Variants in PIGU observed in about 807,000 individuals in gnomAD.
PIGU encodes GPI-anchor transamidase component PIGU.
In PIGU, 24 loss-of-function variants were observed where a neutral mutation model predicts 49.9. That is an observed-to-expected ratio of 0.48 (90% CI 0.35 to 0.68). PIGU has a LOEUF of 0.68. Among genes scored for constraint, PIGU ranks in the 30% least tolerant of loss-of-function variants. The pLI is 0.01. For synonymous variants in PIGU, 220 were observed against 205.7 expected (o/e 1.07, Z -0.59); for missense variants, 490 against 532.6 (o/e 0.92, Z 0.79).
At chr20:34,631,595 C>T (rs1985712960) in intron 6 of PIGU, among the ~76,000 whole-genome samples, 1 of 145,828 alleles carries the variant, frequency 6.9e-6, no homozygotes, top group Non-Finnish European at 1.5e-5. Context: ...GCTCTGTTGC[C>T]CAGGTTGGAG....
intron 1 of PIGU, among the ~76,000 whole-genome samples, chr20:34,668,471 A>ATAAAT (rs1328033044): frequency 1.5e-5 from 2 of 133,338 alleles, no homozygotes; most frequent in African/African-American, 3.1e-5. Flanking sequence ...CAAAAAAAAA[A>ATAAAT]AAAAAAAAAA....
At chr20:34,615,964 C>T in intron 7 of PIGU, 78 bp downstream of exon 7, 1 of 1,505,102 alleles carries the variant, frequency 6.6e-7, no homozygotes, top group Non-Finnish European at 8.8e-7. Flanking sequence ...TAACCCGTGC[C>T]CTTCCTTTCC....
intron 2 of PIGU, among the ~76,000 whole-genome samples, chr20:34,656,482 C>T (rs1986706919): frequency 6.7e-6 from 1 of 150,316 alleles, no homozygotes; most frequent in African/African-American, 2.5e-5. Context: ...CGGGGTTTCA[C>T]CGTGTTAGCC....
In PIGU at chr20:34,614,411, T is replaced by C. The variant is rs570546923; in HGVS notation, c.627+1631A>G. Reference sequence around the variant, plus strand: ...AGACCAAAGTGGGTGGGTGGATGGATTGCGTGAACCCAAGAATTCGAGACC... The same window carrying C: ...AGACCAAAGTGGGTGGGTGGATGGACTGCGTGAACCCAAGAATTCGAGACC... On this transcript the variant is annotated intron_variant, in intron 7 of 11. Coordinates refer to ENST00000217446, the MANE Select transcript of PIGU (RefSeq NM_080476.5). 3.9e-5 allele frequency among the ~76,000 whole-genome samples: 6 copies of C among 152,022 alleles called. No individual in the cohort carries two copies. In the South Asian group the frequency reaches 1.0e-3, roughly 26 times the overall value.
At chr20:34,573,710 G>C (rs1239707137) in intron 11 of PIGU, among the ~76,000 whole-genome samples, 1 of 152,240 alleles carries the variant, frequency 6.6e-6, no homozygotes, top group African/African-American at 2.4e-5. Context: ...GATTCCTTCA[G>C]GATATGCAAT....
At chr20:34,674,448 C>T (rs1224391674) in intron 1 of PIGU, among the ~76,000 whole-genome samples, 2 of 152,242 alleles carry the variant, frequency 1.3e-5, no homozygotes, top group South Asian at 2.1e-4. Flanking sequence ...CTCTTAATTA[C>T]CAAACAACAC....
chr20:34,657,171 A>G lies in PIGU; in HGVS notation c.195+9T>C. 6.2e-7 allele frequency: 1 copy of G among 1,602,130 alleles called. No homozygotes were observed. Among genetic ancestry groups the G allele is most frequent in the African/African-American group, 1.3e-5 (1 of 74,718 alleles). On this transcript the variant is annotated intron_variant, in intron 2 of 11. Coordinates refer to ENST00000217446, the MANE Select transcript of PIGU (RefSeq NM_080476.5). The stretch of plus-strand genomic sequence containing the variant: ...CTTGGTACCCAGAAAAGAAAATAAG[A>G]ACACTTACTTCATGAAATACTGCTC...
At chr20:34,633,559 C>G in intron 6 of PIGU, among the ~76,000 whole-genome samples, 1 of 151,812 alleles carries the variant, frequency 6.6e-6, no homozygotes, top group South Asian at 2.1e-4. Context: ...ATATTGGTAC[C>G]AAAGAGCTAA....
intron 7 of PIGU, among the ~76,000 whole-genome samples, chr20:34,598,508 C>T (rs1438314266): frequency 6.6e-6 from 1 of 152,168 alleles, no homozygotes; most frequent in Non-Finnish European, 1.5e-5. Flanking sequence ...ACAAAGAAAG[C>T]AAGTTCCAGA....
intron 7 of PIGU, among the ~76,000 whole-genome samples, chr20:34,611,004 C>G (rs763314454): frequency 6.6e-6 from 1 of 152,060 alleles, no homozygotes; most frequent in South Asian, 2.1e-4. Context: ...GCTAGCCATA[C>G]GCAGAAAACA....
chr20:34,649,060 G>A (rs1463696990), intron 2 of PIGU, among the ~76,000 whole-genome samples: 1 of 152,002 alleles, frequency 6.6e-6, no homozygotes, highest in East Asian at 1.9e-4. Flanking sequence ...GTAGAGATGG[G>A]GTTTCACTGT....
In PIGU at chr20:34,676,995, G is replaced by T. The variant is rs1321340964; in HGVS notation, c.91C>A (p.Arg31=). Residue 31 remains arginine, a synonymous_variant, in exon 1 of 12, where the codon CGG becomes AGG. Coordinates refer to ENST00000217446, the MANE Select transcript of PIGU (RefSeq NM_080476.5). ...RSSLAEFISE[R]VEVVSPLSSW... ...CTCAGTGGGGACACCACCTCCACCC[G>T]CTCGGAAATGAACTCGGCCAGACTG... 2 of 1,582,712 alleles carry T rather than the reference G, an allele frequency of 1.3e-6. No individual in the cohort carries two copies. The highest frequency in any genetic ancestry group is 8.6e-7 in the Non-Finnish European group (1 of 1,165,358).
At chr20:34,617,069 C>G (rs1302518658) in intron 6 of PIGU, among the ~76,000 whole-genome samples, 2 of 152,218 alleles carry the variant, frequency 1.3e-5, no homozygotes, top group African/African-American at 4.8e-5. Context: ...GAGATTGTAC[C>G]ACAGCACTCC....
chr20:34,639,226 C>G (rs867988593), intron 4 of PIGU, among the ~76,000 whole-genome samples: 2 of 151,868 alleles, frequency 1.3e-5, no homozygotes, highest in African/African-American at 4.8e-5. Flanking sequence ...ATGGTGAAAC[C>G]CCGTCTCTAC....
intron 7 of PIGU, among the ~76,000 whole-genome samples, chr20:34,596,102 G>A (rs2146721674): frequency 6.6e-6 from 1 of 152,274 alleles, no homozygotes; most frequent in Middle Eastern, 3.4e-3. Flanking sequence ...AAGTGATCAA[G>A]GTAAACATTA....
At chr20:34,606,533 C>T (rs1161530105) in intron 7 of PIGU, among the ~76,000 whole-genome samples, 1 of 152,140 alleles carries the variant, frequency 6.6e-6, no homozygotes, top group Non-Finnish European at 1.5e-5. Flanking sequence ...CTTGTGGTGT[C>T]ATTGAACTCG....
chr20:34,582,868 G>A (rs1224348361), intron 9 of PIGU, among the ~76,000 whole-genome samples: 2 of 151,998 alleles, frequency 1.3e-5, no homozygotes, highest in Non-Finnish European at 2.9e-5. Context: ...GAGAGTTGGG[G>A]GACAGAGCTC....
At chr20:34,598,238 G>T (rs767182075) in intron 7 of PIGU, among the ~76,000 whole-genome samples, 10 of 152,114 alleles carry the variant, frequency 6.6e-5, no homozygotes, top group Non-Finnish European at 1.5e-4. Flanking sequence ...AAGCACAAGG[G>T]CATTCAAGAC....
At chr20:34,593,994 T>C (rs942896129) in intron 7 of PIGU, among the ~76,000 whole-genome samples, 1 of 151,998 alleles carries the variant, frequency 6.6e-6, no homozygotes, top group South Asian at 2.1e-4. Context: ...CTGGGCAACA[T>C]AGAGAAACCC....
Sources: allele counts gnomAD v4.1 joint callset (sites outside exome capture counted in the v4.1 genomes callset), GRCh38; gene constraint gnomAD v4.1.1; transcripts MANE v1.5; gene names NCBI Gene and HGNC (gene_info 2026-07-23, HGNC 2026-07-21).